Variants in NKAIN2 observed in about 807,000 individuals in gnomAD.
NKAIN2 encodes sodium/potassium transporting ATPase interacting 2.
NKAIN2 carries 14 observed loss-of-function variants against 32.6 expected under a neutral mutation model. The ratio of observed to expected loss-of-function variants is 0.43; its 90% CI spans 0.28 to 0.67. The LOEUF is 0.67. Among genes scored for constraint, NKAIN2 ranks in the 30% least tolerant of loss-of-function variants. The probability of loss-of-function intolerance (pLI) is 0.17; values close to 1 mark genes in which losing one functional copy is unlikely to be tolerated. For missense variants in NKAIN2, 198 were observed against 258.3 expected, an observed-to-expected ratio of 0.77 and a Z score of 1.60; for synonymous variants, 80 against 87.2, an observed-to-expected ratio of 0.92 and a Z score of 0.46.
chr6:124,768,982 C>A (rs1212687234), intron 4 of NKAIN2, among the ~76,000 whole-genome samples: 1 of 152,158 alleles, frequency 6.6e-6, no homozygotes, highest in African/African-American at 2.4e-5. Context: ...CTGGTCATAA[C>A]ATCACATTTT....
intron 2 of NKAIN2, among the ~76,000 whole-genome samples, chr6:124,323,784 CTT>C (rs1188944631): frequency 2.2e-4 from 25 of 115,928 alleles, no homozygotes; most frequent in African/African-American, 7.6e-4. Context: ...TTAATTTTTT[CTT>C]TTTTTTTTTT....
chr6:124,770,858 T>C (rs1392208654), intron 4 of NKAIN2, among the ~76,000 whole-genome samples: 2 of 152,094 alleles, frequency 1.3e-5, no homozygotes, highest in African/African-American at 4.8e-5. Flanking sequence ...GCATACACTC[T>C]ATCATCCCTA....
intron 1 of NKAIN2, among the ~76,000 whole-genome samples, chr6:123,806,140 A>G (rs1218083534): frequency 2.0e-5 from 3 of 152,134 alleles, no homozygotes; most frequent in Non-Finnish European, 4.4e-5. Context: ...CATACATACA[A>G]TGGTGTCTTG....
Position 124,571,458 on chromosome 6 carries a change from G to A in NKAIN2, c.274-86728G>A, listed in dbSNP as rs2086233. 3.4e-3 allele frequency among the ~76,000 whole-genome samples: 512 copies of A among 152,230 alleles called. 1 individual carries two copies. Among genetic ancestry groups the A allele is most frequent in the African/African-American group, 0.012 (482 of 41,542 alleles). On this transcript the variant is annotated intron_variant, in intron 3 of 6. Transcript: ENST00000368417. ...CAGAAGGAGGTAACTGAATCATGGC[G>A]GCCTGTCTGTCCCCTGTTTTCATGA...
chr6:123,807,936 AACTT>A (rs1367876353), intron 1 of NKAIN2, among the ~76,000 whole-genome samples: 1 of 152,120 alleles, frequency 6.6e-6, no homozygotes, highest in Non-Finnish European at 1.5e-5. Flanking sequence ...GTACATTTGA[AACTT>A]AATTAAGAAT....
rs374010504 is a variant in NKAIN2, at chr6:124,403,248, TTC to T, written c.273+47905_273+47906del. Among the ~76,000 whole-genome samples the T allele has an allele frequency of 2.7e-4, 41 of 152,296 alleles. No individual in the cohort carries two copies. In the East Asian group the frequency reaches 7.9e-3, roughly 29 times the overall value. ...ATATTTTACATTTTGATGCTAAACGTTCTCTTTTAAATTCCATTTTTAAATTA... is the reference window on the plus strand; with the variant it reads ...ATATTTTACATTTTGATGCTAAACGTTCTTTTAAATTCCATTTTTAAATTA... On this transcript the variant is annotated intron_variant, in intron 3 of 6. Coordinates refer to ENST00000368417, the MANE Select transcript of NKAIN2 (RefSeq NM_001040214.3).
At chr6:124,476,065 A>AGAGAGAGTGTGTGT (rs1487948768) in intron 3 of NKAIN2, among the ~76,000 whole-genome samples, 2 of 132,462 alleles carry the variant, frequency 1.5e-5, no homozygotes, top group African/African-American at 5.8e-5. Context: ...AGAGAGAGAG[A>AGAGAGAGTGTGTGT]GTGTGTGTGT....
Position 124,542,890 on chromosome 6 carries a change from AAAG to A in NKAIN2, c.274-115290_274-115288del, listed in dbSNP as rs1779961278. ...AACATTTCGAACATTAAAAGAATGA[AAAG>A]AAGAATTAACAAATAAGGAAAAATT... On this transcript the variant is annotated intron_variant, in intron 3 of 6. Coordinates refer to ENST00000368417, the MANE Select transcript of NKAIN2 (RefSeq NM_001040214.3). 2.0e-5 allele frequency among the ~76,000 whole-genome samples: 3 copies of A among 152,210 alleles called. No individual in the cohort carries two copies. The South Asian group carries it at 6.2e-4, about 32-fold the overall frequency.
At chr6:123,965,146 A>G (rs1197977067) in intron 1 of NKAIN2, among the ~76,000 whole-genome samples, 3 of 152,010 alleles carry the variant, frequency 2.0e-5, no homozygotes, top group Admixed American at 6.6e-5. Context: ...TGGCACTGAA[A>G]CTTTCTGATG....
intron 4 of NKAIN2, among the ~76,000 whole-genome samples, chr6:124,762,112 C>T (rs1778296180): frequency 6.6e-6 from 1 of 152,094 alleles, no homozygotes; most frequent in Non-Finnish European, 1.5e-5. Context: ...AACTAGGTGG[C>T]TTAAACAACA....
intron 1 of NKAIN2, among the ~76,000 whole-genome samples, chr6:124,278,652 TATATATATA>T (rs1257838498): frequency 2.5e-4 from 12 of 48,808 alleles, no homozygotes; most frequent in African/African-American, 1.4e-3. Flanking sequence ...ACATAGCTCA[TATATATATA>T]TATATATATA....
chr6:123,839,637 T>G (rs1774784850), intron 1 of NKAIN2, among the ~76,000 whole-genome samples: 1 of 152,246 alleles, frequency 6.6e-6, no homozygotes, highest in African/African-American at 2.4e-5. Flanking sequence ...CACCTACTTT[T>G]TCTTTTGCAA....
chr6:124,106,597 G>T (rs547420261), intron 1 of NKAIN2, among the ~76,000 whole-genome samples: 1 of 152,254 alleles, frequency 6.6e-6, no homozygotes, highest in African/African-American at 2.4e-5. Flanking sequence ...CTTGGCAAAT[G>T]CATCTAAAAT....
At chr6:124,726,397 ACCCATG>A (rs1159037330) in intron 4 of NKAIN2, among the ~76,000 whole-genome samples, 1 of 152,176 alleles carries the variant, frequency 6.6e-6, no homozygotes, top group Non-Finnish European at 1.5e-5. Context: ...TGGGTCCCTG[ACCCATG>A]ACCCCTGAGC....
At chr6:124,476,397 CTGTGTGTGTGTGTGTGTGTGTGTGTGTG>C (rs56691516) in intron 3 of NKAIN2, among the ~76,000 whole-genome samples, 2 of 138,036 alleles carry the variant, frequency 1.4e-5, no homozygotes, top group Admixed American at 1.5e-4. Context: ...ATGTATGTGA[CTGTGTGTGTGTGTGTGTGTGTGTGTGTG>C]TGTGTGTGTG....
chr6:123,845,641 G>A (rs1775057121), intron 1 of NKAIN2, among the ~76,000 whole-genome samples: 1 of 152,166 alleles, frequency 6.6e-6, no homozygotes, highest in Admixed American at 6.5e-5. Flanking sequence ...TGAAATCCAT[G>A]TAATAAGGAA....
rs1408580655 is a variant in NKAIN2, at chr6:124,488,417, GA to G, written c.273+133077del. On this transcript the variant is annotated intron_variant, in intron 3 of 6. Coordinates refer to ENST00000368417, the MANE Select transcript of NKAIN2 (RefSeq NM_001040214.3). ...ATCTGCTCAGAACAGAAATTACAAT[GA>G]AAAAAAGAAAACAAACATTATCATC... is the stretch of plus-strand genomic sequence containing the variant. Among the ~76,000 whole-genome samples, 16 of 151,818 alleles carry G rather than the reference GA, an allele frequency of 1.1e-4. No homozygotes were observed. In the South Asian group the frequency reaches 2.5e-3, roughly 24 times the overall value.
intron 1 of NKAIN2, among the ~76,000 whole-genome samples, chr6:124,279,977 C>T (rs770210895): frequency 2.2e-4 from 33 of 152,030 alleles, no homozygotes; most frequent in Middle Eastern, 6.8e-3. Flanking sequence ...CCAAATTATG[C>T]GTTAATAATG....
intron 3 of NKAIN2, among the ~76,000 whole-genome samples, chr6:124,641,580 C>A (rs1427967637): frequency 2.6e-5 from 1 of 38,654 alleles, no homozygotes; most frequent in Non-Finnish European, 4.8e-5. Context: ...GAGACAGTGT[C>A]TTGCTCTGTT....
Sources: gnomAD v4.1 joint callset for allele counts (sites outside exome capture counted in the v4.1 genomes callset) on GRCh38, gnomAD v4.1.1 for gene constraint, MANE v1.5 for transcripts, NCBI Gene and HGNC (gene_info 2026-07-23, HGNC 2026-07-21) for gene names.